Variants in VPS13D observed in about 807,000 individuals in gnomAD.
The protein encoded by VPS13D is intermembrane lipid transfer protein VPS13D.
In VPS13D, 187 loss-of-function variants were observed where a neutral mutation model predicts 461.9. That is an observed-to-expected ratio of 0.40 (90% CI 0.36 to 0.46). The LOEUF is 0.46. VPS13D is among the 20% of genes least tolerant of loss of function. The pLI, the probability that VPS13D is intolerant of heterozygous loss-of-function variation, is 0.60. For synonymous variants in VPS13D, 1,951 were observed against 1,986.3 expected (o/e 0.98, Z 0.47); for missense variants, 4,711 against 5,364.9 (o/e 0.88, Z 3.81).
intron 22 of VPS13D, among the ~76,000 whole-genome samples, chr1:12,290,331 G>A (rs1473943459): frequency 1.3e-5 from 2 of 152,120 alleles, no homozygotes; most frequent in Non-Finnish European, 2.9e-5. Context: ...TTTATCCAGA[G>A]TATAATTAAT....
Position 12,279,664 on chromosome 1 carries a change from A to C in VPS13D, c.4602+14A>C. The C allele has an allele frequency of 6.2e-7, 1 of 1,602,788 alleles. No individual in the cohort carries two copies. Among genetic ancestry groups the C allele is most frequent in the East Asian group, 2.2e-5 (1 of 44,676 alleles). ...AATCCAGTTCAGGTAAATTCATGTC[A>C]GGGCAGTTGAAGTCATATGTTTATA... is the stretch of plus-strand genomic sequence containing the variant. On this transcript the variant is annotated intron_variant, in intron 20 of 69. Transcript: ENST00000620676. This position sits in a 1 kb window ranked among gnomAD's most constrained non-coding sequence, Gnocchi z 4.3.
At position 12,453,314 on chromosome 1, in the gene VPS13D, G is replaced by C. The variant is rs557088404; in HGVS notation, c.12334-2684G>C. On this transcript the variant is annotated intron_variant, in intron 65 of 69. Coordinates refer to ENST00000620676, the MANE Select transcript of VPS13D (RefSeq NM_015378.4). Reference sequence around the variant, plus strand: ...AGGATTTTTAACTTCCTCCTAGTTAGCTGCCAGCGATAGGTAAAGAGCACT... The same window carrying C: ...AGGATTTTTAACTTCCTCCTAGTTACCTGCCAGCGATAGGTAAAGAGCACT... 1.7e-3 allele frequency among the ~76,000 whole-genome samples: 262 copies of C among 152,174 alleles called. 1 individual carries two copies. The highest frequency in any genetic ancestry group is 3.1e-3 in the Non-Finnish European group (214 of 68,000).
chr1:12,404,400 C>A (rs944455818), intron 63 of VPS13D, among the ~76,000 whole-genome samples: 2 of 152,144 alleles, frequency 1.3e-5, no homozygotes, highest in African/African-American at 4.8e-5. Flanking sequence ...TTCTCTCTTC[C>A]TAAGTATCCA....
chr1:12,309,920 C>G (rs1262136281), intron 27 of VPS13D, among the ~76,000 whole-genome samples: 1 of 152,076 alleles, frequency 6.6e-6, no homozygotes, highest in Non-Finnish European at 1.5e-5. Context: ...TACAACTTAG[C>G]TGTTCTCACT....
intron 7 of VPS13D, among the ~76,000 whole-genome samples, chr1:12,254,201 A>T (rs1477665971): frequency 6.6e-6 from 1 of 152,032 alleles, no homozygotes; most frequent in East Asian, 1.9e-4. Flanking sequence ...GATGTTTTCC[A>T]TCATTTATTT....
intron 21 of VPS13D, 129 bp from the exon 22 acceptor site, chr1:12,288,094 C>A: frequency 1.4e-6 from 1 of 714,412 alleles, no homozygotes; most frequent in Non-Finnish European, 2.4e-6. Flanking sequence ...GTGAAATTGG[C>A]ATTGTTAAAA....
intron 58 of VPS13D, 27 bp from the exon 59 acceptor site, chr1:12,385,233 T>C: frequency 6.3e-7 from 1 of 1,580,734 alleles, no homozygotes; most frequent in Non-Finnish European, 8.7e-7. Flanking sequence ...GTGAATCATC[T>C]TCTTGTGGTG....
intron 65 of VPS13D, among the ~76,000 whole-genome samples, chr1:12,448,067 G>A (rs552064050): frequency 3.0e-4 from 46 of 152,232 alleles, no homozygotes; most frequent in Admixed American, 1.6e-3. Context: ...AAGTGCTTTC[G>A]TAACCAAGGT....
intron 10 of VPS13D, among the ~76,000 whole-genome samples, chr1:12,260,332 A>C (rs1641068900): frequency 6.6e-6 from 1 of 152,102 alleles, no homozygotes; most frequent in African/African-American, 2.4e-5. Flanking sequence ...GCCACACTTT[A>C]GTGACTCTTA....
At chr1:12,425,588 G>A (rs1644914865) in intron 65 of VPS13D, among the ~76,000 whole-genome samples, 1 of 151,748 alleles carries the variant, frequency 6.6e-6, no homozygotes, top group South Asian at 2.1e-4. Context: ...TATCAGCGAT[G>A]TGAAGAGTGT....
chr1:12,343,143 G>A (rs1031340014), intron 42 of VPS13D, 92 bp downstream of exon 42: 4 of 1,047,142 alleles, frequency 3.8e-6, no homozygotes, highest in Non-Finnish European at 5.1e-6. Context: ...CCTTATAAAT[G>A]ATTTTATTTT....
intron 1 of VPS13D, among the ~76,000 whole-genome samples, chr1:12,231,757 A>G (rs1444008630): frequency 1.1e-4 from 16 of 152,158 alleles, no homozygotes; most frequent in Non-Finnish European, 2.1e-4. Flanking sequence ...GGGAGGCCAA[A>G]GTGGGCAGAT....
chr1:12,400,962 G>GCGCACACACACA (rs1253464149), intron 61 of VPS13D, among the ~76,000 whole-genome samples: 131 of 106,288 alleles, frequency 1.2e-3, no homozygotes, highest in Middle Eastern at 5.6e-3. Context: ...CTGCGCGCGC[G>GCGCACACACACA]CACACACACA....
In VPS13D at chr1:12,399,456, A is replaced by G. The variant is rs1020431239; in HGVS notation, c.11635-725A>G. On this transcript the variant is annotated intron_variant, in intron 60 of 69. Coordinates refer to ENST00000620676, the MANE Select transcript of VPS13D (RefSeq NM_015378.4). The stretch of plus-strand genomic sequence containing the variant: ...GTGATCCGCCTGCCGCAACCTCCCA[A>G]AGTGCTGGGATTACAGGTGTGAGCC... 2.0e-5 allele frequency among the ~76,000 whole-genome samples: 3 copies of G among 151,960 alleles called. 1 individual carries two copies. The highest frequency in any genetic ancestry group is 4.4e-5 in the Non-Finnish European group (3 of 67,972).
intron 7 of VPS13D, among the ~76,000 whole-genome samples, chr1:12,254,513 CTTTTTTTTTTTT>C (rs1017635589): frequency 2.7e-4 from 21 of 78,232 alleles, no homozygotes; most frequent in East Asian, 8.0e-4. Flanking sequence ...AAATCTCAAT[CTTTTTTTTTTTT>C]TTTTTTTTTT....
At chr1:12,250,200 G>A (rs188398998) in intron 6 of VPS13D, among the ~76,000 whole-genome samples, 2 of 152,328 alleles carry the variant, frequency 1.3e-5, no homozygotes, top group East Asian at 3.9e-4. Flanking sequence ...CAGATCTCAT[G>A]GTTCAAAGTT....
chr1:12,236,079 C>G (rs1193060104), intron 2 of VPS13D, among the ~76,000 whole-genome samples: 1 of 152,178 alleles, frequency 6.6e-6, no homozygotes, highest in African/African-American at 2.4e-5. Flanking sequence ...GTACTTTAAA[C>G]TGCTTTTCTG....
At chr1:12,425,563 A>G (rs996347394) in intron 65 of VPS13D, among the ~76,000 whole-genome samples, 1 of 129,236 alleles carries the variant, frequency 7.7e-6, no homozygotes, top group South Asian at 2.4e-4. Flanking sequence ...TTTCTGTCTT[A>G]AAAAAAAAAA....
chr1:12,356,370 G>A (rs1360215564), intron 48 of VPS13D, 28 bp from the exon 49 acceptor site: 1 of 1,602,982 alleles, frequency 6.2e-7, no homozygotes, highest in Non-Finnish European at 8.5e-7. Flanking sequence ...GGGTGGTATT[G>A]ATGTAAACTT....
Sources: allele counts gnomAD v4.1 joint callset (sites outside exome capture counted in the v4.1 genomes callset), GRCh38; gene constraint gnomAD v4.1.1; non-coding constraint Gnocchi (gnomAD v3.1); transcripts MANE v1.5; gene names NCBI Gene and HGNC (gene_info 2026-07-23, HGNC 2026-07-21).